RBFOX2: variants seen among roughly 807,000 people sequenced by gnomAD.
RBFOX2 encodes RNA binding fox-1 homolog 2.
In RBFOX2, 10 loss-of-function variants were observed where a neutral mutation model predicts 49.1. The observed-to-expected ratio is 0.20, with a 90% confidence interval of 0.13 to 0.35. The LOEUF is 0.35. Ranked by LOEUF, RBFOX2 falls within the 10% of genes least tolerant of loss-of-function variation. The pLI is 1.00. For synonymous variants in RBFOX2, 183 were observed against 187.4 expected, an observed-to-expected ratio of 0.98 and a Z score of 0.19; for missense variants, 323 against 486.9, an observed-to-expected ratio of 0.66 and a Z score of 3.17.
At chr22:35,753,707 AAGGAAGTAAGAT>A (rs1935810189) in intron 9 of RBFOX2, among the ~76,000 whole-genome samples, 2 of 151,150 alleles carry the variant, frequency 1.3e-5, no homozygotes, top group South Asian at 4.2e-4. Context: ...ATTGTAAAGT[AAGGAAGTAAGAT>A]AACTATTAAA....
chr22:35,952,776 T>C (rs1465548011), intron 1 of RBFOX2, among the ~76,000 whole-genome samples: 1 of 152,132 alleles, frequency 6.6e-6, no homozygotes, highest in Non-Finnish European at 1.5e-5. Context: ...GGAAAAGAGA[T>C]TGGCAGTTCT....
At chr22:36,028,595 C>T (rs1051114235) in exon 1 of RBFOX2, among the ~76,000 whole-genome samples, 1 of 148,996 alleles carries the variant, frequency 6.7e-6, no homozygotes, top group Admixed American at 6.7e-5. Flanking sequence ...CTCGCGGCCG[C>T]CGCTCCTTGC....
At chr22:35,893,658 A>G (rs1377009810) in intron 1 of RBFOX2, among the ~76,000 whole-genome samples, 4 of 152,210 alleles carry the variant, frequency 2.6e-5, no homozygotes, top group Non-Finnish European at 5.9e-5. Context: ...AGAGAAAATA[A>G]TATTTCAAGG....
intron 1 of RBFOX2, among the ~76,000 whole-genome samples, chr22:35,976,908 G>A (rs1432155701): frequency 6.6e-6 from 1 of 150,694 alleles, no homozygotes; most frequent in African/African-American, 2.4e-5. Flanking sequence ...AGGTTGCAGG[G>A]AGCCAAGATC....
chr22:35,807,566 A>G (rs1447968686), intron 2 of RBFOX2, among the ~76,000 whole-genome samples: 2 of 152,066 alleles, frequency 1.3e-5, no homozygotes, highest in African/African-American at 4.8e-5. Flanking sequence ...AATAAAAACA[A>G]TATAGATCAT....
At chr22:35,871,459 T>A (rs1229737070) in intron 1 of RBFOX2, among the ~76,000 whole-genome samples, 1 of 152,206 alleles carries the variant, frequency 6.6e-6, no homozygotes, top group Non-Finnish European at 1.5e-5. Flanking sequence ...ACAGAAATTA[T>A]GAAACTAAAA....
In RBFOX2 at chr22:35,797,311, T is replaced by C. The variant is rs192388075; in HGVS notation, c.252+12469A>G. 5.9e-5 allele frequency among the ~76,000 whole-genome samples: 9 copies of C among 152,310 alleles called. No individual in the cohort carries two copies. The East Asian group carries it at 1.5e-3, about 26-fold the overall frequency. ...AATATTATGGTTTGTCCATTAATTG[T>C]TCTTACAAGAAAAAAATGGTGCTCC... On this transcript the variant is annotated intron_variant, in intron 2 of 11. Transcript: ENST00000405409.
intron 1 of RBFOX2, among the ~76,000 whole-genome samples, chr22:36,022,605 T>C (rs546693606): frequency 6.6e-6 from 1 of 152,346 alleles, no homozygotes; most frequent in South Asian, 2.1e-4. Flanking sequence ...TCTACAATAT[T>C]TACCACTCTG....
chr22:35,879,788 T>G (rs142511564), intron 1 of RBFOX2, among the ~76,000 whole-genome samples: 1 of 152,174 alleles, frequency 6.6e-6, no homozygotes, highest in Non-Finnish European at 1.5e-5. Flanking sequence ...ATAGTGGAGA[T>G]AGCGAGACCA....
intron 1 of RBFOX2, among the ~76,000 whole-genome samples, chr22:35,933,472 C>T (rs1349512566): frequency 1.3e-5 from 2 of 152,102 alleles, no homozygotes; most frequent in African/African-American, 2.4e-5. Context: ...TTGCAAGTAT[C>T]CCACTGCTGA....
intron 9 of RBFOX2, chr22:35,752,531 G>T (rs1479858489): frequency 2.5e-6 from 2 of 788,134 alleles, no homozygotes; most frequent in East Asian, 2.5e-4. Flanking sequence ...CTCTAACGTG[G>T]AGCTGGAATG....
chr22:36,022,061 G>T (rs1258179552), intron 1 of RBFOX2, among the ~76,000 whole-genome samples: 1 of 152,152 alleles, frequency 6.6e-6, no homozygotes, highest in Non-Finnish European at 1.5e-5. Context: ...TTTGAAGGAA[G>T]TGCACATTTG....
chr22:36,003,726 A>C (rs2058517288), intron 1 of RBFOX2, among the ~76,000 whole-genome samples: 1 of 152,270 alleles, frequency 6.6e-6, no homozygotes, highest in African/African-American at 2.4e-5. Context: ...AATTAATTTG[A>C]TACTCCTAAT....
chr22:35,952,502 C>T (rs910724995), intron 1 of RBFOX2, among the ~76,000 whole-genome samples: 1 of 152,152 alleles, frequency 6.6e-6, no homozygotes, highest in East Asian at 1.9e-4. Context: ...TCCTTCATTC[C>T]TCTGATCATC....
At chr22:35,834,461 G>A (rs913830051) in intron 1 of RBFOX2, among the ~76,000 whole-genome samples, 1 of 152,190 alleles carries the variant, frequency 6.6e-6, no homozygotes, top group Non-Finnish European at 1.5e-5. Flanking sequence ...TCTGTTTGGG[G>A]TCGGGGAGGA....
chr22:35,858,190 A>C (rs549130267), intron 1 of RBFOX2, among the ~76,000 whole-genome samples: 1 of 152,318 alleles, frequency 6.6e-6, no homozygotes, highest in African/African-American at 2.4e-5. Context: ...GGGATACTTG[A>C]TTTCCAAGTG....
chr22:35,891,837 T>C (rs1025218073), intron 1 of RBFOX2, among the ~76,000 whole-genome samples: 1 of 149,878 alleles, frequency 6.7e-6, no homozygotes, highest in Non-Finnish European at 1.5e-5. Context: ...TGCTTAATAG[T>C]ACTGTGCAAC....
At chr22:35,806,702 T>C (rs1950804064) in intron 2 of RBFOX2, among the ~76,000 whole-genome samples, 1 of 152,224 alleles carries the variant, frequency 6.6e-6, no homozygotes, top group Non-Finnish European at 1.5e-5. Flanking sequence ...TAAATCTACC[T>C]ACATTAATAA....
chr22:35,807,275 T>C (rs972112479), intron 2 of RBFOX2, among the ~76,000 whole-genome samples: 3 of 151,936 alleles, frequency 2.0e-5, no homozygotes, highest in African/African-American at 7.2e-5. Flanking sequence ...CAAGAAATAG[T>C]AAAAGAGACA....
Sources: gnomAD v4.1 joint callset for allele counts (sites outside exome capture counted in the v4.1 genomes callset) on GRCh38, gnomAD v4.1.1 for gene constraint, MANE v1.5 for transcripts, NCBI Gene and HGNC (gene_info 2026-07-23, HGNC 2026-07-21) for gene names.